Variants in MPDZ observed in about 807,000 individuals in gnomAD.
The protein encoded by MPDZ is multiple PDZ domain crumbs cell polarity complex component.
MPDZ carries 234 observed loss-of-function variants against 239.1 expected under a neutral mutation model. That is an observed-to-expected ratio of 0.98 (90% CI 0.88 to 1.09). The LOEUF (loss-of-function observed/expected upper bound fraction) is 1.09, where lower values mean the gene tolerates loss of function less well. MPDZ is among the 50% of genes least tolerant of loss of function. The probability of loss-of-function intolerance (pLI) is 0.00; values close to 1 mark genes in which losing one functional copy is unlikely to be tolerated. For synonymous variants in MPDZ, 1,048 were observed against 881.3 expected (o/e 1.19, Z -3.35); for missense variants, 3,175 against 2,510.0 (o/e 1.26, Z -5.66).
At chr9:13,242,215 C>CTTTTTTTTTTTT (rs145555644) in intron 3 of MPDZ, among the ~76,000 whole-genome samples, 1 of 50,754 alleles carries the variant, frequency 2.0e-5, no homozygotes, top group Non-Finnish European at 3.3e-5. Flanking sequence ...TGTTAGGATG[C>CTTTTTTTTTTTT]TTTTTTTTTT....
chr9:13,139,358 A>G (rs2132424045), intron 28 of MPDZ, among the ~76,000 whole-genome samples: 1 of 152,326 alleles, frequency 6.6e-6, no homozygotes, highest in Admixed American at 6.5e-5. Flanking sequence ...TTTCCTTAGA[A>G]AAGAGAGACT....
intron 26 of MPDZ, 34 bp from the exon 27 acceptor site, chr9:13,143,598 G>C (rs1273058615): frequency 1.3e-6 from 2 of 1,548,600 alleles, no homozygotes. Flanking sequence ...TGAACGCAAA[G>C]GAAATGTATT....
intron 42 of MPDZ, among the ~76,000 whole-genome samples, chr9:13,112,710 T>C (rs934914582): frequency 6.6e-6 from 1 of 152,218 alleles, no homozygotes; most frequent in African/African-American, 2.4e-5. Flanking sequence ...TCAGAACTAA[T>C]AAGTATCTGT....
At chr9:13,276,865 G>T (rs999977177) in intron 1 of MPDZ, 2 of 152,154 alleles carry the variant, frequency 1.3e-5, no homozygotes, top group Admixed American at 1.3e-4. Context: ...GCAATTCATT[G>T]TTCCTCTCCA....
chr9:13,238,425 C>T (rs556253498), intron 3 of MPDZ, among the ~76,000 whole-genome samples: 106 of 152,266 alleles, frequency 7.0e-4, no homozygotes, highest in Middle Eastern at 3.4e-3. Flanking sequence ...TCAGACACCC[C>T]CTTCTCAAGC....
intron 30 of MPDZ, among the ~76,000 whole-genome samples, 153 bp from the exon 31 acceptor site, chr9:13,136,335 T>C (rs1279018924): frequency 7.6e-6 from 1 of 131,612 alleles, no homozygotes; most frequent in Non-Finnish European, 1.6e-5. Flanking sequence ...CTTTTTTTTT[T>C]TTTTTTTTTT....
At chr9:13,137,660 T>A (rs945212965) in intron 29 of MPDZ, among the ~76,000 whole-genome samples, 2 of 152,106 alleles carry the variant, frequency 1.3e-5, no homozygotes, top group Non-Finnish European at 2.9e-5. Flanking sequence ...CAAAAACTCC[T>A]AATAAAAATG....
intron 36 of MPDZ, among the ~76,000 whole-genome samples, 194 bp downstream of exon 36, chr9:13,122,959 A>G (rs1046717520): frequency 1.3e-5 from 2 of 152,220 alleles, no homozygotes; most frequent in Admixed American, 6.5e-5. Context: ...TGCTGAGTCA[A>G]TATTTATTGG....
intron 19 of MPDZ, among the ~76,000 whole-genome samples, chr9:13,182,820 T>C (rs2134478955): frequency 6.6e-6 from 1 of 152,284 alleles, no homozygotes; most frequent in African/African-American, 2.4e-5. Flanking sequence ...GGGGCATTTA[T>C]GCCAATAATC....
chr9:13,208,624 G>A (rs1957261559), intron 10 of MPDZ, among the ~76,000 whole-genome samples: 1 of 150,170 alleles, frequency 6.7e-6, no homozygotes, highest in Non-Finnish European at 1.5e-5. Flanking sequence ...TTATGTATAT[G>A]TACACATATG....
intron 3 of MPDZ, among the ~76,000 whole-genome samples, chr9:13,235,053 G>A (rs1394855759): frequency 6.6e-6 from 1 of 152,090 alleles, no homozygotes; most frequent in African/African-American, 2.4e-5. Context: ...GGAACCTAGA[G>A]AGGCCTCCTT....
Position 13,237,360 on chromosome 9 carries a change from C to T in MPDZ, c.183+10275G>A, listed in dbSNP as rs562458626. Among the ~76,000 whole-genome samples, 3 of 150,234 alleles carry T rather than the reference C, an allele frequency of 2.0e-5. No individual in the cohort carries two copies. In the East Asian group the frequency reaches 5.9e-4, roughly 30 times the overall value. On this transcript the variant is annotated intron_variant, in intron 3 of 46. Coordinates refer to ENST00000319217, the MANE Select transcript of MPDZ (RefSeq NM_001378778.1). ...GCTGAGGTTGGAGGGTCACGGGAGC[C>T]CAAGAGGTCGAGGCTGCAGTGAGCC... is the stretch of plus-strand genomic sequence containing the variant.
In MPDZ at chr9:13,219,718, A is replaced by T; in HGVS notation, c.927T>A (p.Asp309Glu). 6.2e-7 allele frequency: 1 copy of T among 1,612,762 alleles called. No individual in the cohort carries two copies. The highest frequency in any genetic ancestry group is 8.5e-7 in the Non-Finnish European group (1 of 1,179,208). Residue 309 changes from aspartate to glutamate, a missense_variant, in exon 8 of 47, where the codon GAT becomes GAA. Physicochemically the swap from Asp to Glu is conservative, Grantham distance 45. Coordinates refer to ENST00000319217, the MANE Select transcript of MPDZ (RefSeq NM_001378778.1). The stretch of plus-strand genomic sequence containing the variant: ...CTTGCTCACTGCTCATTCCTGCTAG[A>T]TCTGTGTCACCAATCTTTAGAATGT... ...GDHILKIGDT[D>E]LAGMSSEQVA...
At chr9:13,135,444 T>C (rs1260243187) in intron 31 of MPDZ, 1 of 152,196 alleles carries the variant, frequency 6.6e-6, no homozygotes, top group Non-Finnish European at 1.5e-5. Context: ...TGTTAACTGT[T>C]TCCTGAATTA....
At chr9:13,183,680 T>A (rs1953699512) in intron 18 of MPDZ, 95 bp from the exon 19 acceptor site, 1 of 1,147,884 alleles carries the variant, frequency 8.7e-7, no homozygotes, top group Admixed American at 2.1e-5. Context: ...ACTGGTATCA[T>A]TCTTTTATCT....
chr9:13,177,703 C>A (rs1384298641), intron 19 of MPDZ, among the ~76,000 whole-genome samples: 1 of 152,118 alleles, frequency 6.6e-6, no homozygotes, highest in Non-Finnish European at 1.5e-5. Flanking sequence ...CAAATCCTGG[C>A]TCAACACTAA....
intron 24 of MPDZ, among the ~76,000 whole-genome samples, chr9:13,154,333 GA>G (rs201826943): frequency 2.0e-5 from 3 of 151,624 alleles, no homozygotes; most frequent in Non-Finnish European, 4.4e-5. Flanking sequence ...GTTATGTAGG[GA>G]AAAAAAAGGC....
At chr9:13,115,032 A>G (rs1038858671) in intron 40 of MPDZ, among the ~76,000 whole-genome samples, 1 of 152,190 alleles carries the variant, frequency 6.6e-6, no homozygotes, top group Admixed American at 6.5e-5. Context: ...CTTGAAATCA[A>G]TTTCCTTAGA....
At chr9:13,205,826 C>T in intron 11 of MPDZ, 90 bp downstream of exon 11, 1 of 1,170,054 alleles carries the variant, frequency 8.5e-7, no homozygotes, top group Non-Finnish European at 1.2e-6. Context: ...TAATTAAGAA[C>T]CATTCTGAAA....
Sources: gnomAD v4.1 joint callset for allele counts (sites outside exome capture counted in the v4.1 genomes callset) on GRCh38, gnomAD v4.1.1 for gene constraint, MANE v1.5 for transcripts, NCBI Gene and HGNC (gene_info 2026-07-23, HGNC 2026-07-21) for gene names.